Variants in MYO1D observed in about 807,000 individuals in gnomAD.
The protein encoded by MYO1D is unconventional myosin-Id.
A neutral mutation model predicts 122.0 loss-of-function variants in MYO1D; 83 were observed. The ratio of observed to expected loss-of-function variants is 0.68; its 90% CI spans 0.57 to 0.82. MYO1D has a LOEUF of 0.82. Ranked by LOEUF, MYO1D falls within the 40% of genes least tolerant of loss-of-function variation. MYO1D has a pLI of 0.00. For synonymous variants in MYO1D, 464 were observed against 446.9 expected, an observed-to-expected ratio of 1.04 and a Z score of -0.48; for missense variants, 1,157 against 1,269.5, an observed-to-expected ratio of 0.91 and a Z score of 1.35.
intron 20 of MYO1D, among the ~76,000 whole-genome samples, chr17:32,625,190 A>G (rs1272686453): frequency 1.3e-5 from 2 of 152,228 alleles, no homozygotes; most frequent in African/African-American, 4.8e-5. Context: ...TCCTGCGGGC[A>G]TACAAGTCAC....
At chr17:32,542,443 G>A (rs1057027450) in intron 21 of MYO1D, among the ~76,000 whole-genome samples, 1 of 152,072 alleles carries the variant, frequency 6.6e-6, no homozygotes, top group Non-Finnish European at 1.5e-5. Flanking sequence ...TTGTGACACT[G>A]GTGAAGTCCT....
At chr17:32,527,875 G>T (rs1413000372) in intron 21 of MYO1D, among the ~76,000 whole-genome samples, 1 of 140,612 alleles carries the variant, frequency 7.1e-6, no homozygotes, top group Non-Finnish European at 1.5e-5. Context: ...GTCTTGCTCT[G>T]TCGCCCAGGC....
intron 21 of MYO1D, among the ~76,000 whole-genome samples, chr17:32,574,411 G>T (rs1164095056): frequency 6.6e-6 from 1 of 152,102 alleles, no homozygotes; most frequent in East Asian, 1.9e-4. Context: ...GTTGAGTAAA[G>T]AAATTCTGTT....
intron 16 of MYO1D, among the ~76,000 whole-genome samples, chr17:32,668,236 C>A (rs1305462778): frequency 6.6e-6 from 1 of 152,168 alleles, no homozygotes; most frequent in Non-Finnish European, 1.5e-5. Flanking sequence ...AGCATCTGAG[C>A]AGATCCAAAG....
chr17:32,736,347 T>A (rs1011882980), intron 14 of MYO1D, among the ~76,000 whole-genome samples: 1 of 152,210 alleles, frequency 6.6e-6, no homozygotes, highest in Admixed American at 6.5e-5. Flanking sequence ...CTGACAACTC[T>A]ATATAGCAAA....
intron 21 of MYO1D, among the ~76,000 whole-genome samples, chr17:32,541,873 C>T (rs1052450460): frequency 3.9e-5 from 6 of 152,240 alleles, no homozygotes; most frequent in African/African-American, 1.4e-4. Context: ...GTATACTTAA[C>T]TCTTTGCCTT....
intron 1 of MYO1D, among the ~76,000 whole-genome samples, chr17:32,846,241 G>C (rs1180700861): frequency 6.6e-6 from 1 of 152,192 alleles, no homozygotes; most frequent in African/African-American, 2.4e-5. Context: ...TTGAGGCTTT[G>C]GTCTTAACCT....
At chr17:32,560,554 T>TATAC (rs2087112450) in intron 21 of MYO1D, among the ~76,000 whole-genome samples, 1 of 123,988 alleles carries the variant, frequency 8.1e-6, no homozygotes, top group Non-Finnish European at 1.7e-5. Context: ...TATATATATA[T>TATAC]ATATATATAT....
intron 21 of MYO1D, among the ~76,000 whole-genome samples, chr17:32,555,969 G>A (rs966282699): frequency 7.9e-5 from 12 of 152,192 alleles, no homozygotes; most frequent in Non-Finnish European, 1.5e-4. Flanking sequence ...AGGGCACCTC[G>A]TTTTCTGCCT....
At position 32,721,072 on chromosome 17, in the gene MYO1D, G is replaced by T; in HGVS notation, c.1864C>A (p.Arg622Ser). The change falls in exon 15 of 22, where the codon CGT becomes AGT. Residue 622 changes from arginine to serine, a missense_variant. Physicochemically the swap from Arg to Ser is moderately radical, Grantham distance 110 (BLOSUM62 -1). Coordinates refer to ENST00000318217, the MANE Select transcript of MYO1D (RefSeq NM_015194.3). ...YLGLLENVRV[R>S]RAGFAFRQTY... is the part of the protein sequence containing the mutation. ...TGGCGGAAGGCAAATCCTGCCCGACGCACTCTCACATTTTCCAGTAGTCCA... is the reference window on the plus strand; with the variant it reads ...TGGCGGAAGGCAAATCCTGCCCGACTCACTCTCACATTTTCCAGTAGTCCA... The T allele has an allele frequency of 6.2e-7, 1 of 1,613,968 alleles. No homozygotes were observed.
At chr17:32,797,540 TTTA>T (rs1407388283) in intron 1 of MYO1D, among the ~76,000 whole-genome samples, 1 of 152,202 alleles carries the variant, frequency 6.6e-6, no homozygotes, top group Non-Finnish European at 1.5e-5. Flanking sequence ...TTTATTACAG[TTTA>T]TTGTTATAAT....
At chr17:32,616,951 A>C (rs1450902866) in intron 20 of MYO1D, among the ~76,000 whole-genome samples, 2 of 152,158 alleles carry the variant, frequency 1.3e-5, no homozygotes. Flanking sequence ...CTGTAATCCC[A>C]GCATATTGGG....
intron 21 of MYO1D, among the ~76,000 whole-genome samples, chr17:32,578,890 T>A (rs1275341125): frequency 6.6e-6 from 1 of 152,166 alleles, no homozygotes; most frequent in Non-Finnish European, 1.5e-5. Context: ...GACTTCCTCC[T>A]GCTTTGGCGT....
chr17:32,544,145 GAGTGC>G (rs1465718543), intron 21 of MYO1D, among the ~76,000 whole-genome samples: 2 of 150,780 alleles, frequency 1.3e-5, no homozygotes, highest in Admixed American at 1.3e-4. Context: ...GCCCACACTG[GAGTGC>G]AGTGGCATGA....
At chr17:32,742,409 G>T (rs1338256748) in intron 13 of MYO1D, among the ~76,000 whole-genome samples, 1 of 152,182 alleles carries the variant, frequency 6.6e-6, no homozygotes, top group Non-Finnish European at 1.5e-5. Context: ...GGCCTGGAGA[G>T]CCTGGGCTAT....
chr17:32,721,634 T>C (rs1163407720), intron 14 of MYO1D, among the ~76,000 whole-genome samples: 1 of 152,216 alleles, frequency 6.6e-6, no homozygotes, highest in South Asian at 2.1e-4. Context: ...AGCTCTGGTA[T>C]ATAGTAAGTG....
At chr17:32,829,455 T>C (rs2090752564) in intron 1 of MYO1D, among the ~76,000 whole-genome samples, 1 of 152,200 alleles carries the variant, frequency 6.6e-6, no homozygotes, top group Admixed American at 6.5e-5. Flanking sequence ...ATGCTGTTCT[T>C]TTCTGTTTTG....
At chr17:32,794,915 T>G (rs2090397172) in intron 1 of MYO1D, among the ~76,000 whole-genome samples, 1 of 152,132 alleles carries the variant, frequency 6.6e-6, no homozygotes, top group Non-Finnish European at 1.5e-5. Context: ...AGCACTACGC[T>G]GGTCTCAGGA....
intron 21 of MYO1D, among the ~76,000 whole-genome samples, chr17:32,563,118 T>A (rs1567891204): frequency 6.6e-6 from 1 of 152,122 alleles, no homozygotes; most frequent in Non-Finnish European, 1.5e-5. Context: ...ATTAATGAAG[T>A]TGAGCTTCTG....
Sources: allele counts gnomAD v4.1 joint callset (sites outside exome capture counted in the v4.1 genomes callset), GRCh38; gene constraint gnomAD v4.1.1; transcripts MANE v1.5; gene names NCBI Gene and HGNC (gene_info 2026-07-23, HGNC 2026-07-21).